TTC17: variants seen among roughly 807,000 people sequenced by gnomAD.
TTC17 encodes the protein tetratricopeptide repeat protein 17.
Under a neutral mutation model 143.8 loss-of-function variants are expected in TTC17, and 58 were observed. The ratio of observed to expected loss-of-function variants is 0.40; its 90% confidence interval spans 0.33 to 0.50. The LOEUF (loss-of-function observed/expected upper bound fraction) is 0.50. Ranked by LOEUF, TTC17 falls within the 20% of genes least tolerant of loss-of-function variation. TTC17 has a pLI of 0.49. For missense variants in TTC17, 1,273 were observed against 1,392.5 expected, an observed-to-expected ratio of 0.91 and a Z score of 1.37; for synonymous variants, 501 against 497.8, an observed-to-expected ratio of 1.01 and a Z score of -0.09.
chr11:43,489,452 A>T (rs1030239497), intron 21 of TTC17, among the ~76,000 whole-genome samples: 10 of 152,132 alleles, frequency 6.6e-5, no homozygotes, highest in Non-Finnish European at 1.2e-4. Context: ...AATTGTTATA[A>T]TCCGGGTGGG....
At chr11:43,402,989 G>A (rs1312351521) in intron 10 of TTC17, among the ~76,000 whole-genome samples, 1 of 152,108 alleles carries the variant, frequency 6.6e-6, no homozygotes, top group Non-Finnish European at 1.5e-5. Context: ...CCATTTTAAA[G>A]GGGAAATAGT....
intron 2 of TTC17, among the ~76,000 whole-genome samples, chr11:43,381,486 G>A (rs1856967288): frequency 6.6e-6 from 1 of 152,136 alleles, no homozygotes; most frequent in Admixed American, 6.6e-5. Context: ...ACTGCTTGAA[G>A]ACTAGGATGG....
At chr11:43,370,800 GTT>G (rs1856536631) in intron 1 of TTC17, among the ~76,000 whole-genome samples, 1 of 137,446 alleles carries the variant, frequency 7.3e-6, no homozygotes, top group Non-Finnish European at 1.6e-5. Flanking sequence ...GGGCAGGTTT[GTT>G]TGTTTGTTTG....
intron 1 of TTC17, among the ~76,000 whole-genome samples, chr11:43,363,736 G>A (rs117095985): frequency 4.6e-5 from 7 of 152,314 alleles, no homozygotes; most frequent in East Asian, 1.9e-4. Flanking sequence ...GTGGCATTTC[G>A]TGGCAATAGT....
intron 21 of TTC17, among the ~76,000 whole-genome samples, chr11:43,452,632 T>G (rs1038940493): frequency 6.6e-6 from 1 of 152,010 alleles, no homozygotes; most frequent in African/African-American, 2.4e-5. Context: ...AGACTGAACT[T>G]TTCTCCATGG....
chr11:43,429,252 C>G (rs1044647976), intron 16 of TTC17, among the ~76,000 whole-genome samples: 8 of 152,148 alleles, frequency 5.3e-5, no homozygotes, highest in African/African-American at 1.7e-4. Context: ...GTAAAAAATC[C>G]TAGACACAGA....
Position 43,451,275 on chromosome 11 carries a change from C to G in TTC17, c.3030+10C>G. The G allele has an allele frequency of 6.2e-7, 1 of 1,611,660 alleles. No homozygotes were observed. The highest frequency in any genetic ancestry group is 8.5e-7 in the Non-Finnish European group (1 of 1,178,022). On this transcript the variant is annotated intron_variant, in intron 21 of 23. Coordinates refer to ENST00000039989, the MANE Select transcript of TTC17 (RefSeq NM_018259.6). The stretch of plus-strand genomic sequence containing the variant: ...CAAAGTTTTGGAAAAGGTAAGTCAC[C>G]CCACAGAAAAGCTGGAAACAATTGC...
rs1425958009 is a variant in TTC17 at position 43,407,169 on chromosome 11, T to C, written c.1793T>C (p.Ile598Thr). The change falls in exon 14 of 24, where the codon ATC becomes ACC. Residue 598 changes from isoleucine to threonine, a missense_variant. By Grantham distance (89) the Ile-to-Thr change is moderately conservative. Coordinates refer to ENST00000039989, the MANE Select transcript of TTC17 (RefSeq NM_018259.6). ...ILLSRINNYT[I>T]PEEEIGSFLF... ...CTTTCCCGTATTAATAACTATACTA[T>C]CCCAGAAGAAGAAATTGGGTCTTTC... The C allele has an allele frequency of 5.6e-6, 9 of 1,599,636 alleles. No homozygotes were observed. The highest frequency in any genetic ancestry group is 6.8e-6 in the Non-Finnish European group (8 of 1,175,536).
chr11:43,362,062 C>A (rs1856129492), intron 1 of TTC17, among the ~76,000 whole-genome samples: 1 of 149,448 alleles, frequency 6.7e-6, no homozygotes, highest in Non-Finnish European at 1.5e-5. Flanking sequence ...CTCACCACAA[C>A]CTCCGCCTCC....
intron 1 of TTC17, among the ~76,000 whole-genome samples, chr11:43,373,837 C>G (rs1856662480): frequency 6.6e-6 from 1 of 152,154 alleles, no homozygotes; most frequent in Non-Finnish European, 1.5e-5. Flanking sequence ...TTTTAGAAAT[C>G]ATTTGCTTGC....
At position 43,483,437 on chromosome 11, in the gene TTC17, C is replaced by T. The variant is rs546346567; in HGVS notation, c.3031-6802C>T. Among the ~76,000 whole-genome samples the T allele has an allele frequency of 7.9e-5, 12 of 152,156 alleles. No homozygotes were observed. The South Asian group carries it at 2.5e-3, about 32-fold the overall frequency. Reference sequence around the variant, plus strand: ...AATTTTTAAGTTAGCACTAATCTCACTCATGAACTTAGGTATCAAAATCAA... The same window carrying T: ...AATTTTTAAGTTAGCACTAATCTCATTCATGAACTTAGGTATCAAAATCAA... On this transcript the variant is annotated intron_variant, in intron 21 of 23. Transcript: ENST00000039989.
chr11:43,424,124 C>G lies in TTC17; in HGVS notation c.2251+9348C>G, dbSNP rs1023609182. Among the ~76,000 whole-genome samples, 9 of 150,006 alleles carry G rather than the reference C, an allele frequency of 6.0e-5. No individual in the cohort carries two copies. The East Asian group carries it at 1.6e-3, about 26-fold the overall frequency. On this transcript the variant is annotated intron_variant, in intron 16 of 23. Transcript: ENST00000039989. ...TTTTCCTGAGGCGGAGTCTCGCTCG[C>G]TCTTGTCGCCCAGGCTAGAGTGCAG...
intron 10 of TTC17, among the ~76,000 whole-genome samples, chr11:43,402,434 G>A (rs1390148): frequency 0.98 from 149,501 of 152,254 alleles, 73,458 homozygotes; most frequent in East Asian, 1. Flanking sequence ...ATATACACAC[G>A]TGTATACACA....
intron 21 of TTC17, among the ~76,000 whole-genome samples, chr11:43,481,865 A>G (rs1352133330): frequency 3.3e-5 from 5 of 152,096 alleles, no homozygotes; most frequent in African/African-American, 1.2e-4. Flanking sequence ...GCTGGAGTGC[A>G]GTGGTGCGAT....
At chr11:43,389,528 C>A in intron 2 of TTC17, 124 bp from the exon 3 acceptor site, 1 of 935,732 alleles carries the variant, frequency 1.1e-6, no homozygotes, top group Non-Finnish European at 1.5e-6. Flanking sequence ...AGGGCATTTT[C>A]AGAATTCTTG....
intron 16 of TTC17, among the ~76,000 whole-genome samples, chr11:43,442,551 A>C (rs1431067817): frequency 1.3e-5 from 2 of 152,210 alleles, no homozygotes. Flanking sequence ...TTTTTAAAAG[A>C]AAGCCTTCTA....
Position 43,400,476 on chromosome 11 carries a change from C to T in TTC17, c.1219+428C>T, listed in dbSNP as rs972510542. 3.3e-5 allele frequency among the ~76,000 whole-genome samples: 5 copies of T among 152,232 alleles called. 1 individual carries two copies. In the South Asian group the frequency reaches 1.0e-3, roughly 32 times the overall value. On this transcript the variant is annotated intron_variant, in intron 9 of 23. Transcript: ENST00000039989. ...TGTTGCCGCAGGTCTAAAAACTCTG[C>T]ACTATGGGTAACAAGGCCTTACACT...
At chr11:43,370,610 A>C (rs1160872131) in intron 1 of TTC17, among the ~76,000 whole-genome samples, 2 of 152,206 alleles carry the variant, frequency 1.3e-5, no homozygotes, top group Admixed American at 1.3e-4. Flanking sequence ...TTAACAAACA[A>C]GATGACCTGT....
intron 1 of TTC17, among the ~76,000 whole-genome samples, chr11:43,376,575 T>A (rs1359068517): frequency 2.6e-5 from 4 of 152,192 alleles, no homozygotes; most frequent in Non-Finnish European, 4.4e-5. Flanking sequence ...AACCTACCTC[T>A]CTGTAATTCC....
Sources: gnomAD v4.1 joint callset for allele counts (sites outside exome capture counted in the v4.1 genomes callset) on GRCh38, gnomAD v4.1.1 for gene constraint, MANE v1.5 for transcripts, NCBI Gene and HGNC (gene_info 2026-07-23, HGNC 2026-07-21) for gene names.